The following GRID2IP variants were observed in gnomAD, a reference collection of about 807,000 sequenced individuals.
GRID2IP encodes delphilin.
A neutral mutation model predicts 114.3 loss-of-function variants in GRID2IP; 78 were observed. The observed-to-expected ratio is 0.68, with a 90% CI of 0.57 to 0.82. The LOEUF is 0.82. GRID2IP is among the 40% of genes least tolerant of loss of function. The probability of loss-of-function intolerance (pLI) is 0.00; values close to 1 mark genes in which losing one functional copy is unlikely to be tolerated. For synonymous variants in GRID2IP, 809 were observed against 724.0 expected, an observed-to-expected ratio of 1.12 and a Z score of -1.89; for missense variants, 1,727 against 1,678.5, an observed-to-expected ratio of 1.03 and a Z score of -0.51.
chr7:6,510,415 G>A lies in GRID2IP; in HGVS notation c.1654-15C>T. On this transcript the variant is annotated splice_polypyrimidine_tract_variant and intron_variant, in intron 10 of 21. Transcript: ENST00000457091. Reference sequence around the variant, plus strand: ...ACGGCTGACATCTGGAGGGAGACGGGGGAGAGTCCAGCCCATTCTGCTTCC... The same window carrying A: ...ACGGCTGACATCTGGAGGGAGACGGAGGAGAGTCCAGCCCATTCTGCTTCC... The A allele has an allele frequency of 2.0e-6, 3 of 1,503,936 alleles. No homozygotes were observed. Among genetic ancestry groups the A allele is most frequent in the South Asian group, 1.3e-5 (1 of 78,528 alleles). 93.2% of individuals were successfully genotyped at this position (1,503,936 alleles called of 1,614,324 possible).
chr7:6,521,839 G>T lies in GRID2IP; in HGVS notation c.989+49C>A. The stretch of plus-strand genomic sequence containing the variant: ...CCCAAGAGGCAGGAGTCTTGCAGGG[G>T]GTGGGGGCAGCTCCTCACCAACCCC... On this transcript the variant is annotated intron_variant, in intron 5 of 21. Coordinates refer to ENST00000457091, the MANE Select transcript of GRID2IP (RefSeq NM_001145118.2). This position sits in a 1 kb window ranked among gnomAD's most constrained non-coding sequence, Gnocchi z 4.1. The T allele has an allele frequency of 1.5e-6, 2 of 1,377,676 alleles. No individual in the cohort carries two copies. The highest frequency in any genetic ancestry group is 2.0e-6 in the Non-Finnish European group (2 of 989,148). The allele number at this position is 1,377,676 out of a possible 1,614,324, so 85.3% of individuals were successfully genotyped here. A position where few individuals can be genotyped will look rare whatever the true frequency, so the allele number is the denominator to read the frequency against.
In GRID2IP at chr7:6,497,645, A is replaced by C; in HGVS notation, c.*129T>G. 1.6e-6 allele frequency: 1 copy of C among 622,780 alleles called. No individual in the cohort carries two copies. The highest frequency in any genetic ancestry group is 2.7e-6 in the Non-Finnish European group (1 of 368,882). 38.6% of individuals were successfully genotyped at this position (622,780 alleles called of 1,614,324 possible). ...CCGACCACAGCTCGGCGGCTGAGGTAGCTGCAGGAGAGGCTGGCGGTGTGC... is the reference window on the plus strand; with the variant it reads ...CCGACCACAGCTCGGCGGCTGAGGTCGCTGCAGGAGAGGCTGGCGGTGTGC... On this transcript the variant is annotated 3_prime_UTR_variant, in exon 22 of 22. Transcript: ENST00000457091.
chr7:6,530,371 C>T (rs897597111), intron 2 of GRID2IP, among the ~76,000 whole-genome samples: 9 of 152,016 alleles, frequency 5.9e-5, no homozygotes, highest in African/African-American at 2.2e-4. Flanking sequence ...TCAAGCGATT[C>T]TCCTGCCTCA....
At chr7:6,537,630 G>A (rs563615673) in intron 2 of GRID2IP, among the ~76,000 whole-genome samples, 47 of 151,448 alleles carry the variant, frequency 3.1e-4, no homozygotes, top group Non-Finnish European at 5.9e-4. Flanking sequence ...TGCCCGCCTC[G>A]GCCTCCCAAA....
At chr7:6,511,761 T>C (rs530495483) in intron 8 of GRID2IP, among the ~76,000 whole-genome samples, 1 of 152,154 alleles carries the variant, frequency 6.6e-6, no homozygotes, top group South Asian at 2.1e-4. Context: ...CCCTAGCAAA[T>C]TGTGGGTCCC....
chr7:6,507,871 T>C lies in GRID2IP; in HGVS notation c.2544+114A>G. 5 of 1,444,152 alleles carry C rather than the reference T, an allele frequency of 3.5e-6. No individual in the cohort carries two copies. The highest frequency in any genetic ancestry group is 4.6e-6 in the Non-Finnish European group (5 of 1,088,554). 89.5% of individuals were successfully genotyped at this position (1,444,152 alleles called of 1,614,324 possible). On this transcript the variant is annotated intron_variant, in intron 13 of 21. Coordinates refer to ENST00000457091, the MANE Select transcript of GRID2IP (RefSeq NM_001145118.2). The surrounding 1 kb of genome is among the most constrained non-coding windows in gnomAD (Gnocchi z 5.3). ...GGCTGGGCCTCTACTCATCCTCTGCTTGGGGTAGGGAGGATGATGTTGGAA... is the reference window on the plus strand; with the variant it reads ...GGCTGGGCCTCTACTCATCCTCTGCCTGGGGTAGGGAGGATGATGTTGGAA...
chr7:6,529,246 T>TAA (rs1188842340), intron 2 of GRID2IP, among the ~76,000 whole-genome samples: 2 of 151,660 alleles, frequency 1.3e-5, no homozygotes, highest in African/African-American at 4.9e-5. Context: ...AGGTCAGGAG[T>TAA]TCGAGACCAG....
Position 6,511,379 on chromosome 7 carries a change from G to GT in GRID2IP, c.1424-341dup, listed in dbSNP as rs34075957. Among the ~76,000 whole-genome samples, 112 of 149,348 alleles carry GT rather than the reference G, an allele frequency of 7.5e-4. 1 individual carries two copies. Among genetic ancestry groups the GT allele is most frequent in the Non-Finnish European group, 1.4e-3 (97 of 67,032 alleles). ...AGAGGATTATGGGCAAAATAGAAGT[G>GT]TTTTTTTTTTGAGACTGAGTTTTGC... On this transcript the variant is annotated intron_variant, in intron 8 of 21. Transcript: ENST00000457091.
intron 4 of GRID2IP, among the ~76,000 whole-genome samples, chr7:6,522,229 G>T (rs191104083): frequency 2.4e-4 from 36 of 152,132 alleles, no homozygotes; most frequent in African/African-American, 8.4e-4. Context: ...GGTGGCAGAG[G>T]AGAGTCAAAT....
intron 7 of GRID2IP, among the ~76,000 whole-genome samples, chr7:6,514,839 C>G (rs1486784498): frequency 6.6e-6 from 1 of 151,812 alleles, no homozygotes; most frequent in Non-Finnish European, 1.5e-5. Context: ...GTAATCCCAG[C>G]TACTCGGGAG....
chr7:6,508,287 G>T lies in GRID2IP; in HGVS notation c.2242C>A (p.His748Asn). The change falls in exon 13 of 22, where the codon CAC becomes AAC. Residue 748 changes from histidine to asparagine, a missense_variant. Coordinates refer to ENST00000457091, the MANE Select transcript of GRID2IP (RefSeq NM_001145118.2). The surrounding 1 kb of genome is among the most constrained non-coding windows in gnomAD (Gnocchi z 5.6). ...GGGCTGAGCGGGGGTGGGGGGATGT[G>T]GTCAGAGATGGAGGAGTAGGTCAGG... ...SSLTYSSISDHIPPPPLSPPP... is the reference protein window; with the variant it reads ...SSLTYSSISDNIPPPPLSPPP... 6.5e-7 allele frequency: 1 copy of T among 1,548,136 alleles called. No homozygotes were observed. Among genetic ancestry groups the T allele is most frequent in the South Asian group, 1.2e-5 (1 of 83,922 alleles).
In GRID2IP at chr7:6,503,162, A is replaced by G; in HGVS notation, c.2909T>C (p.Met970Thr). Residue 970 changes from methionine (M) to threonine (T), a missense_variant and splice_region_variant, in exon 17 of 22, where the codon ATG (methionine) becomes ACG (threonine). By Grantham distance (81) the Met-to-Thr change is moderately conservative. Transcript: ENST00000457091. The stretch of plus-strand genomic sequence containing the variant: ...TGTCTTGTATTCGGGAACTGACAGC[A>G]TCTGCCTCGAAGGCAGAGCCAGGAT... The part of the protein sequence containing the change: ...LSEPDQFVLQ[M>T]LSVPEYKTRL... 2.0e-6 allele frequency: 3 copies of G among 1,515,344 alleles called. 1 individual carries two copies. The highest frequency in any genetic ancestry group is 2.7e-6 in the Non-Finnish European group (3 of 1,127,266). The allele number at this position is 1,515,344 out of a possible 1,614,324, so 93.9% of individuals were successfully genotyped here. A position where few individuals can be genotyped will look rare whatever the true frequency, so the allele number is the denominator to read the frequency against.
rs11510547 is a variant in GRID2IP at position 6,516,542 on chromosome 7, G to C, written c.1269-2013C>G. ...TGGTCTACTGGTAACGCCAGTGCCT[G>C]GGAAGGCACCCGTTGCTTAGCAGAC... is the stretch of plus-strand genomic sequence containing the variant. On this transcript the variant is annotated intron_variant, in intron 7 of 21. Coordinates refer to ENST00000457091, the MANE Select transcript of GRID2IP (RefSeq NM_001145118.2). The surrounding 1 kb of genome is among the most constrained non-coding windows in gnomAD (Gnocchi z 4.3). Among the ~76,000 whole-genome samples the C allele has an allele frequency of 0.01, 1,579 of 152,204 alleles. 23 individuals carry two copies. The highest frequency in any genetic ancestry group is 0.036 in the African/African-American group (1,481 of 41,542).
In GRID2IP at chr7:6,534,573, C is replaced by T. The variant is rs370218907; in HGVS notation, c.584+5145G>A. On this transcript the variant is annotated intron_variant, in intron 2 of 21. Coordinates refer to ENST00000457091, the MANE Select transcript of GRID2IP (RefSeq NM_001145118.2). This position sits in a 1 kb window ranked among gnomAD's most constrained non-coding sequence, Gnocchi z 4.5. ...CGCTGTCCAAGGGAACGTTCTGTGA[C>T]GATGGACAAGGTCTACATCCGCCTG... Among the ~76,000 whole-genome samples the T allele has an allele frequency of 3.3e-5, 5 of 152,204 alleles. No homozygotes were observed. The highest frequency in any genetic ancestry group is 9.7e-5 in the African/African-American group (4 of 41,446).
rs1779525684 is a variant in GRID2IP at position 6,526,923 on chromosome 7, G to A, written c.585-154C>T. Among the ~76,000 whole-genome samples the A allele has an allele frequency of 6.6e-6, 1 of 152,170 alleles. No homozygotes were observed. Among genetic ancestry groups the A allele is most frequent in the Non-Finnish European group, 1.5e-5 (1 of 67,996 alleles). ...CTGGGGGGATCGGGATGAGCAGCCG[G>A]TAGCACCCCAGTCTCCCCCTCGCTG... On this transcript the variant is annotated intron_variant, in intron 2 of 21. Transcript: ENST00000457091. The surrounding 1 kb of genome is among the most constrained non-coding windows in gnomAD (Gnocchi z 7.6).
intron 1 of GRID2IP, among the ~76,000 whole-genome samples, chr7:6,545,484 G>A (rs1217532599): frequency 2.6e-5 from 4 of 152,134 alleles, no homozygotes; most frequent in Non-Finnish European, 4.4e-5. Flanking sequence ...ATCTTCAGCC[G>A]AGAGCTCGCT....
chr7:6,503,060 C>G lies in GRID2IP; in HGVS notation c.3011G>C (p.Arg1004Pro). 1 of 1,551,520 alleles carries G rather than the reference C, an allele frequency of 6.4e-7. No individual in the cohort carries two copies. Among genetic ancestry groups the G allele is most frequent in the Non-Finnish European group, 8.7e-7 (1 of 1,146,948 alleles). The change falls in exon 17 of 22, where the codon CGC becomes CCC. Residue 1004 changes from arginine (R) to proline (P), a missense_variant. Transcript: ENST00000457091. Reference protein sequence around the residue: ...EEIRGSLECLRQASLELKNSR... With the variant: ...EEIRGSLECLPQASLELKNSR... ...GTTTTTGAGCTCCAGGGAGGCCTGG[C>G]GCAAGCATTCAAGGCTGCCTCGGAT... is the stretch of plus-strand genomic sequence containing the variant.
intron 2 of GRID2IP, among the ~76,000 whole-genome samples, chr7:6,527,753 C>A (rs2115081645): frequency 7.0e-6 from 1 of 142,304 alleles, no homozygotes; most frequent in African/African-American, 2.4e-5. Flanking sequence ...CACATGCCAC[C>A]AGGCTAATTT....
intron 2 of GRID2IP, chr7:6,531,204 G>T: frequency 2.2e-6 from 1 of 450,072 alleles, no homozygotes; most frequent in Non-Finnish European, 3.9e-6. Context: ...TCTGCCCTGC[G>T]AGCGCGCGCG....
Sources: gnomAD v4.1 joint callset for allele counts (sites outside exome capture counted in the v4.1 genomes callset) on GRCh38, gnomAD v4.1.1 for gene constraint, Gnocchi (gnomAD v3.1) non-coding constraint, MANE v1.5 for transcripts, NCBI Gene and HGNC (gene_info 2026-07-23, HGNC 2026-07-21) for gene names.